The following SLA2 variants were observed in gnomAD, a reference collection of about 807,000 sequenced individuals.
SLA2 encodes Src like adaptor 2, also known as src-like-adapter 2.
A neutral mutation model predicts 27.3 loss-of-function variants in SLA2; 22 were observed. The observed-to-expected ratio is 0.81, with a 90% CI of 0.58 to 1.15. The LOEUF (loss-of-function observed/expected upper bound fraction) is 1.15. Among genes scored for constraint, SLA2 ranks in the 50% most tolerant of loss-of-function variants. SLA2 has a pLI of 0.00. For missense variants in SLA2, 304 were observed against 322.2 expected (o/e 0.94, Z 0.43); for synonymous variants, 131 against 137.8 (o/e 0.95, Z 0.34).
intron 3 of SLA2, 76 bp downstream of exon 3, chr20:36,634,414 G>T: frequency 8.8e-7 from 1 of 1,133,346 alleles, no homozygotes; most frequent in Non-Finnish European, 1.3e-6. Flanking sequence ...CTCCCAGACA[G>T]CTAGCGCTAC....
chr20:36,634,589 T>C lies in SLA2; in HGVS notation c.92A>G (p.Glu31Gly). The C allele has an allele frequency of 6.3e-7, 1 of 1,596,434 alleles. No homozygotes were observed. ...QGQGPVTMEA[E>G]RSKATAVALG... The stretch of plus-strand genomic sequence containing the variant: ...GGCCACGGCTGTGGCCTTGCTTCTC[T>C]CTAGATGGAGGGACAGAAATAGTCA... Residue 31 changes from glutamate to glycine, a missense_variant and splice_region_variant, in exon 3 of 8, where the codon GAG becomes GGG. Coordinates refer to ENST00000262866, the MANE Select transcript of SLA2 (RefSeq NM_032214.4).
intron 2 of SLA2, among the ~76,000 whole-genome samples, chr20:36,636,861 G>GA (rs768061560): frequency 6.6e-5 from 10 of 151,760 alleles, no homozygotes; most frequent in Non-Finnish European, 1.3e-4. Context: ...TGAGACAGGA[G>GA]AATCGCTTGA....
chr20:36,616,569 G>A (rs1410955377), intron 5 of SLA2, among the ~76,000 whole-genome samples: 5 of 151,924 alleles, frequency 3.3e-5, no homozygotes, highest in African/African-American at 7.3e-5. Context: ...TCTTGACCTC[G>A]TGATCCGCCT....
chr20:36,643,528 G>A (rs193061475), intron 1 of SLA2, among the ~76,000 whole-genome samples: 5 of 152,268 alleles, frequency 3.3e-5, no homozygotes, highest in African/African-American at 9.6e-5. Context: ...GGATGAGGAC[G>A]GGCGTCCATC....
intron 5 of SLA2, among the ~76,000 whole-genome samples, chr20:36,627,571 C>T (rs1438870185): frequency 6.6e-6 from 1 of 152,228 alleles, no homozygotes; most frequent in African/African-American, 2.4e-5. Context: ...GGAACCACGT[C>T]TTGCTCATCA....
intron 6 of SLA2, chr20:36,614,870 C>A (rs1278875552): frequency 6.1e-6 from 6 of 985,398 alleles, no homozygotes; most frequent in Non-Finnish European, 6.0e-6. Flanking sequence ...GAAGGACAGG[C>A]ACCAGGAAGT....
intron 5 of SLA2, among the ~76,000 whole-genome samples, chr20:36,624,559 AAGTC>A (rs1201650819): frequency 1.3e-5 from 2 of 152,216 alleles, no homozygotes; most frequent in African/African-American, 2.4e-5. Flanking sequence ...GCTTGGCACA[AAGTC>A]AGCACACAGT....
chr20:36,625,216 ATTTT>A (rs71186005), intron 5 of SLA2, among the ~76,000 whole-genome samples: 1 of 78,498 alleles, frequency 1.3e-5, no homozygotes, highest in African/African-American at 5.4e-5. Context: ...ACGTACCCTG[ATTTT>A]TTTTTTTTTT....
intron 5 of SLA2, among the ~76,000 whole-genome samples, chr20:36,618,776 C>T (rs1282981904): frequency 4.0e-5 from 6 of 151,470 alleles, no homozygotes; most frequent in Non-Finnish European, 7.4e-5. Context: ...TATGGTGGCA[C>T]ATGCCTATAA....
At chr20:36,619,081 A>G (rs1475014088) in intron 5 of SLA2, among the ~76,000 whole-genome samples, 1 of 151,686 alleles carries the variant, frequency 6.6e-6, no homozygotes, top group African/African-American at 2.4e-5. Context: ...CAAAAAAATT[A>G]GCCAGGCTTG....
At chr20:36,628,780 T>C (rs2039364562) in intron 5 of SLA2, among the ~76,000 whole-genome samples, 1 of 152,010 alleles carries the variant, frequency 6.6e-6, no homozygotes, top group Non-Finnish European at 1.5e-5. Flanking sequence ...GGTTTTGAAC[T>C]CCTGGACTCA....
intron 2 of SLA2, 51 bp downstream of exon 2, chr20:36,641,194 A>G (rs1568610887): frequency 1.4e-6 from 2 of 1,464,886 alleles, no homozygotes; most frequent in East Asian, 4.6e-5. Flanking sequence ...GAGGCAGTGA[A>G]GTCTAGTACT....
intron 5 of SLA2, among the ~76,000 whole-genome samples, chr20:36,618,564 A>C (rs1263066276): frequency 6.6e-6 from 1 of 152,012 alleles, no homozygotes; most frequent in Non-Finnish European, 1.5e-5. Context: ...GAAATCATTA[A>C]AAATATGTTG....
At chr20:36,645,613 G>A (rs748421914) in intron 1 of SLA2, among the ~76,000 whole-genome samples, 13 of 152,218 alleles carry the variant, frequency 8.5e-5, no homozygotes, top group Non-Finnish European at 1.8e-4. Context: ...GCACGGAAGA[G>A]CGTAAGCTCC....
chr20:36,644,731 A>G (rs1289143218), intron 1 of SLA2, among the ~76,000 whole-genome samples: 1 of 152,228 alleles, frequency 6.6e-6, no homozygotes, highest in Non-Finnish European at 1.5e-5. Context: ...TTTGTAAGAC[A>G]GCATCAAATC....
chr20:36,644,948 C>G (rs897721865), intron 1 of SLA2, among the ~76,000 whole-genome samples: 1 of 144,958 alleles, frequency 6.9e-6, no homozygotes, highest in African/African-American at 2.6e-5. Context: ...AGAGGACAAC[C>G]ATGTGATTCT....
At chr20:36,621,254 A>G (rs2039279342) in intron 5 of SLA2, 3 of 573,024 alleles carry the variant, frequency 5.2e-6, no homozygotes, top group African/African-American at 1.9e-5. Context: ...GCTGGTAACT[A>G]TGCTGGTGAT....
At chr20:36,627,562 G>T (rs1227871805) in intron 5 of SLA2, among the ~76,000 whole-genome samples, 2 of 152,204 alleles carry the variant, frequency 1.3e-5, no homozygotes, top group African/African-American at 4.8e-5. Context: ...GCAGGGGCAG[G>T]AACCACGTCT....
intron 5 of SLA2, chr20:36,620,956 C>T (rs886421813): frequency 2.1e-5 from 7 of 330,560 alleles, no homozygotes; most frequent in South Asian, 5.9e-5. Flanking sequence ...GGTAAGTAGT[C>T]GTGGAGGTGG....
Sources: allele counts gnomAD v4.1 joint callset (sites outside exome capture counted in the v4.1 genomes callset), GRCh38; gene constraint gnomAD v4.1.1; transcripts MANE v1.5; gene names NCBI Gene and HGNC (gene_info 2026-07-23, HGNC 2026-07-21).